Variants in ZFPM2 observed in about 807,000 individuals in gnomAD.
ZFPM2 encodes zinc finger protein, FOG family member 2.
ZFPM2 carries 20 observed loss-of-function variants against 98.6 expected under a neutral mutation model. That is an observed-to-expected ratio of 0.20 (90% CI 0.14 to 0.29). The LOEUF is 0.29. ZFPM2 is among the 10% of genes least tolerant of loss of function. ZFPM2 has a pLI of 1.00. For synonymous variants in ZFPM2, 518 were observed against 502.7 expected (o/e 1.03, Z -0.41); for missense variants, 1,310 against 1,388.6 (o/e 0.94, Z 0.90).
intron 3 of ZFPM2, among the ~76,000 whole-genome samples, chr8:105,551,745 A>T (rs1348030998): frequency 6.6e-6 from 1 of 152,158 alleles, no homozygotes; most frequent in Non-Finnish European, 1.5e-5. Flanking sequence ...GGCAAAACTC[A>T]TTCTAATCAC....
At chr8:105,521,595 G>A (rs1030487728) in intron 3 of ZFPM2, among the ~76,000 whole-genome samples, 3 of 146,032 alleles carry the variant, frequency 2.1e-5, no homozygotes, top group African/African-American at 7.8e-5. Flanking sequence ...TTTTTTTTTT[G>A]AGATGGAGTT....
chr8:105,378,609 A>G (rs1371457707), intron 1 of ZFPM2, among the ~76,000 whole-genome samples: 2 of 152,220 alleles, frequency 1.3e-5, no homozygotes, highest in Non-Finnish European at 2.9e-5. Context: ...AATAAATAGC[A>G]GACAAGGCTA....
Position 105,802,665 on chromosome 8 carries a change from C to A in ZFPM2, c.2583C>A (p.Ile861=). The change falls in exon 8 of 8, where the codon ATC becomes ATA. Residue 861 remains isoleucine (I), a synonymous_variant. Transcript: ENST00000407775. ...LDYHECTVCK[I]SFNKVENYLA... is the part of the protein sequence containing the mutation. ...ATCACGAGTGCACTGTGTGCAAGAT[C>A]AGTTTCAATAAGGTAGAAAACTATC... 6.2e-7 allele frequency: 1 copy of A among 1,611,038 alleles called. No homozygotes were observed. Among genetic ancestry groups the A allele is most frequent in the Non-Finnish European group, 8.5e-7 (1 of 1,178,594 alleles).
chr8:105,322,270 A>T (rs1031763986), intron 1 of ZFPM2, among the ~76,000 whole-genome samples: 8 of 152,200 alleles, frequency 5.3e-5, no homozygotes, highest in South Asian at 2.1e-4. Flanking sequence ...GACAGAAATG[A>T]TGATTTTTTT....
chr8:105,598,183 ACCTG>A (rs1371852758), intron 4 of ZFPM2, among the ~76,000 whole-genome samples: 2 of 151,088 alleles, frequency 1.3e-5, no homozygotes, highest in African/African-American at 4.9e-5. Flanking sequence ...TTCCCATGAG[ACCTG>A]CTCCTTGCAA....
intron 5 of ZFPM2, among the ~76,000 whole-genome samples, chr8:105,768,995 T>A (rs1812922588): frequency 6.6e-6 from 1 of 151,844 alleles, no homozygotes; most frequent in African/African-American, 2.4e-5. Context: ...TTGAATGGAG[T>A]AAGATAAAAA....
chr8:105,433,560 G>A (rs1320990224), intron 2 of ZFPM2, among the ~76,000 whole-genome samples: 4 of 152,186 alleles, frequency 2.6e-5, no homozygotes, highest in African/African-American at 7.2e-5. Flanking sequence ...GGCCGAGGCG[G>A]TTGGATCACA....
At chr8:105,575,587 A>T (rs1339474047) in intron 4 of ZFPM2, among the ~76,000 whole-genome samples, 1 of 152,142 alleles carries the variant, frequency 6.6e-6, no homozygotes, top group East Asian at 1.9e-4. Context: ...AAATTCTGTG[A>T]CTGTCATAGG....
intron 3 of ZFPM2, among the ~76,000 whole-genome samples, chr8:105,547,751 A>T (rs1420461208): frequency 6.6e-6 from 1 of 152,110 alleles, no homozygotes; most frequent in Non-Finnish European, 1.5e-5. Context: ...ATAATTTCAA[A>T]CATAATTTCT....
At chr8:105,389,804 A>G (rs558834009) in intron 1 of ZFPM2, among the ~76,000 whole-genome samples, 26 of 152,342 alleles carry the variant, frequency 1.7e-4, no homozygotes, top group African/African-American at 5.8e-4. Context: ...ATAATCTAAA[A>G]GCAGCATGTA....
intron 1 of ZFPM2, among the ~76,000 whole-genome samples, chr8:105,391,194 C>T (rs1811100350): frequency 1.3e-5 from 2 of 152,208 alleles, no homozygotes; most frequent in Non-Finnish European, 2.9e-5. Flanking sequence ...AGTGTGTGCT[C>T]ACTTCATGTC....
chr8:105,624,709 A>C (rs1320840156), intron 4 of ZFPM2, among the ~76,000 whole-genome samples: 1 of 152,156 alleles, frequency 6.6e-6, no homozygotes, highest in Non-Finnish European at 1.5e-5. Context: ...TTCTCTTCTA[A>C]CAGGATCATT....
In ZFPM2 at chr8:105,330,617, T is replaced by TACAC. The variant is rs1563606940; in HGVS notation, c.40+11637_40+11638insCACA. On this transcript the variant is annotated intron_variant, in intron 1 of 7. Transcript: ENST00000407775. ...ATACATATATATATATATACACATATATATATATATATATACATATATATA... is the reference window on the plus strand; with the variant it reads ...ATACATATATATATATATACACATATACACATATATATATATATACATATATATA... Among the ~76,000 whole-genome samples the TACAC allele has an allele frequency of 1.6e-3, 94 of 58,852 alleles. 4 individuals are homozygous for TACAC. Among genetic ancestry groups the TACAC allele is most frequent in the African/African-American group, 8.8e-3 (87 of 9,898 alleles). 38.6% of individuals were successfully genotyped at this position (58,852 alleles called of 152,430 possible).
intron 4 of ZFPM2, among the ~76,000 whole-genome samples, chr8:105,633,724 C>T (rs1481715534): frequency 6.6e-6 from 1 of 152,110 alleles, no homozygotes; most frequent in Admixed American, 6.6e-5. Flanking sequence ...TACAGTGAGA[C>T]TACATATCCA....
chr8:105,469,476 G>A (rs1812856606), intron 3 of ZFPM2, among the ~76,000 whole-genome samples: 1 of 151,686 alleles, frequency 6.6e-6, no homozygotes, highest in Non-Finnish European at 1.5e-5. Context: ...CCTGCCCATT[G>A]CTCTCCAGCT....
chr8:105,723,352 C>T (rs941669443), intron 5 of ZFPM2, among the ~76,000 whole-genome samples: 2 of 151,788 alleles, frequency 1.3e-5, no homozygotes, highest in East Asian at 2.0e-4. Context: ...GACTTCGTGA[C>T]GTTCTGTGGG....
chr8:105,625,605 A>G (rs537933372), intron 4 of ZFPM2, among the ~76,000 whole-genome samples: 7 of 147,302 alleles, frequency 4.8e-5, no homozygotes, highest in African/African-American at 1.0e-4. Context: ...TTTCAGTTGG[A>G]CTTTCACTCT....
chr8:105,441,493 A>G (rs1467661450), intron 2 of ZFPM2, among the ~76,000 whole-genome samples: 4 of 125,334 alleles, frequency 3.2e-5, no homozygotes, highest in Admixed American at 2.7e-4. Flanking sequence ...AAAGAAAGAA[A>G]GAAAGAAATC....
chr8:105,348,230 A>T (rs947579089), intron 1 of ZFPM2, among the ~76,000 whole-genome samples: 1 of 152,220 alleles, frequency 6.6e-6, no homozygotes, highest in Admixed American at 6.5e-5. Flanking sequence ...TGTTGGTTAT[A>T]TTTATGTAAT....
Sources: gnomAD v4.1 joint callset for allele counts (sites outside exome capture counted in the v4.1 genomes callset) on GRCh38, gnomAD v4.1.1 for gene constraint, MANE v1.5 for transcripts, NCBI Gene and HGNC (gene_info 2026-07-23, HGNC 2026-07-21) for gene names.